The following CTNND2 variants were observed in gnomAD, a reference collection of about 807,000 sequenced individuals.
CTNND2 encodes the protein catenin delta-2.
CTNND2 carries 22 observed loss-of-function variants against 144.4 expected under a neutral mutation model. The observed-to-expected ratio is 0.15, with a 90% CI of 0.11 to 0.22. The LOEUF (loss-of-function observed/expected upper bound fraction) is 0.22, where lower values mean the gene tolerates loss of function less well. Ranked by LOEUF, CTNND2 falls within the 10% of genes least tolerant of loss-of-function variation. The pLI is 1.00. For missense variants in CTNND2, 1,353 were observed against 1,618.8 expected, an observed-to-expected ratio of 0.84 and a Z score of 2.82; for synonymous variants, 751 against 695.6, an observed-to-expected ratio of 1.08 and a Z score of -1.25.
At chr5:11,359,644 T>C (rs1406351469) in intron 8 of CTNND2, among the ~76,000 whole-genome samples, 1 of 152,192 alleles carries the variant, frequency 6.6e-6, no homozygotes, top group African/African-American at 2.4e-5. Flanking sequence ...TCTGCCTCCC[T>C]GTTCAAAGCA....
At chr5:11,466,355 C>T (rs541778705) in intron 3 of CTNND2, among the ~76,000 whole-genome samples, 15 of 152,220 alleles carry the variant, frequency 9.9e-5, no homozygotes, top group South Asian at 4.2e-4. Flanking sequence ...TACTAATCTC[C>T]GCTGAGTTCT....
At chr5:11,728,476 T>G (rs1232997148) in intron 2 of CTNND2, among the ~76,000 whole-genome samples, 1 of 152,110 alleles carries the variant, frequency 6.6e-6, no homozygotes, top group Admixed American at 6.5e-5. Context: ...ACACTCCATC[T>G]CAAAAACAAA....
intron 16 of CTNND2, among the ~76,000 whole-genome samples, chr5:11,066,286 C>G (rs554284644): frequency 1.3e-5 from 2 of 152,390 alleles, no homozygotes; most frequent in South Asian, 4.1e-4. Flanking sequence ...TATCCACCCA[C>G]TTCAGCCTCC....
At chr5:11,037,784 A>T (rs921349402) in intron 16 of CTNND2, among the ~76,000 whole-genome samples, 1 of 152,240 alleles carries the variant, frequency 6.6e-6, no homozygotes, top group Non-Finnish European at 1.5e-5. Flanking sequence ...ACTCATTTTT[A>T]AAATCCTTTA....
chr5:11,215,997 G>T (rs1425299668), intron 10 of CTNND2, among the ~76,000 whole-genome samples: 4 of 152,200 alleles, frequency 2.6e-5, no homozygotes, highest in Admixed American at 6.5e-5. Context: ...AGACCATGTG[G>T]TCATTAATAT....
intron 1 of CTNND2, among the ~76,000 whole-genome samples, chr5:11,810,448 T>C (rs1055857617): frequency 6.8e-6 from 1 of 147,704 alleles, no homozygotes; most frequent in Non-Finnish European, 1.5e-5. Context: ...TAAGAAAACA[T>C]TGAACCATTG....
At chr5:11,288,637 CCA>C (rs1169998361) in intron 9 of CTNND2, among the ~76,000 whole-genome samples, 1 of 151,774 alleles carries the variant, frequency 6.6e-6, no homozygotes, top group African/African-American at 2.4e-5. Context: ...CAGAGGTAAA[CCA>C]ATGGATTCTC....
chr5:11,725,216 C>T (rs1167147420), intron 2 of CTNND2, among the ~76,000 whole-genome samples: 1 of 152,184 alleles, frequency 6.6e-6, no homozygotes, highest in Non-Finnish European at 1.5e-5. Context: ...TAACTCCAGT[C>T]CAGGCCACTG....
At chr5:11,379,602 A>G (rs1758278562) in intron 7 of CTNND2, among the ~76,000 whole-genome samples, 2 of 152,182 alleles carry the variant, frequency 1.3e-5, no homozygotes, top group Non-Finnish European at 2.9e-5. Context: ...AGGAAAAAAT[A>G]TAAAAAGTAG....
chr5:11,850,122 A>G (rs1794946247), intron 1 of CTNND2, among the ~76,000 whole-genome samples: 1 of 152,056 alleles, frequency 6.6e-6, no homozygotes, highest in Admixed American at 6.6e-5. Flanking sequence ...AAAAAAGTAC[A>G]CCCAGAGGCT....
rs577257843 is a variant in CTNND2 at position 11,023,970 on chromosome 5, G to T, written c.2789-991C>A. Among the ~76,000 whole-genome samples, 53 of 152,298 alleles carry T rather than the reference G, an allele frequency of 3.5e-4. 1 individual carries two copies. The highest frequency in any genetic ancestry group is 1.3e-3 in the African/African-American group (53 of 41,564). ...GTTCTCACATTTTTCAGATGGAATTGGCAAGTGCCTAAAGTTAGATCCCTT... is the reference window on the plus strand; with the variant it reads ...GTTCTCACATTTTTCAGATGGAATTTGCAAGTGCCTAAAGTTAGATCCCTT... On this transcript the variant is annotated intron_variant, in intron 16 of 21. Transcript: ENST00000304623.
At chr5:11,602,211 C>A (rs928185007) in intron 2 of CTNND2, among the ~76,000 whole-genome samples, 1 of 151,934 alleles carries the variant, frequency 6.6e-6, no homozygotes, top group Non-Finnish European at 1.5e-5. Context: ...TGGCTCATAA[C>A]AATGCAGTAG....
chr5:11,366,852 T>C (rs1334942189), intron 7 of CTNND2, among the ~76,000 whole-genome samples: 2 of 152,194 alleles, frequency 1.3e-5, no homozygotes, highest in Non-Finnish European at 2.9e-5. Context: ...AACATGGTCT[T>C]AGGCTATATG....
chr5:11,515,145 G>A (rs1028207586), intron 3 of CTNND2, among the ~76,000 whole-genome samples: 4 of 150,554 alleles, frequency 2.7e-5, no homozygotes, highest in African/African-American at 7.4e-5. Context: ...CTAATGAATG[G>A]GAGGTGCTTT....
intron 1 of CTNND2, among the ~76,000 whole-genome samples, chr5:11,845,260 C>T (rs1165227385): frequency 6.6e-6 from 1 of 152,094 alleles, no homozygotes; most frequent in Non-Finnish European, 1.5e-5. Flanking sequence ...ACTGCTATAT[C>T]ACTCACCCCC....
intron 2 of CTNND2, among the ~76,000 whole-genome samples, chr5:11,620,585 T>TCA (rs1159788473): frequency 6.6e-6 from 1 of 152,218 alleles, no homozygotes; most frequent in Non-Finnish European, 1.5e-5. Context: ...GCCTGGAATA[T>TCA]CATGGGGTGC....
Position 11,291,961 on chromosome 5 carries a change from T to A in CTNND2, c.1628+54411A>T, listed in dbSNP as rs535188605. 9.9e-5 allele frequency among the ~76,000 whole-genome samples: 15 copies of A among 152,034 alleles called. No individual in the cohort carries two copies. In the East Asian group the frequency reaches 1.5e-3, roughly 16 times the overall value. On this transcript the variant is annotated intron_variant, in intron 9 of 21. Coordinates refer to ENST00000304623, the MANE Select transcript of CTNND2 (RefSeq NM_001332.4). ...GTTTCCCTAAATTTAAAAAAAAAAA[T>A]TCCACATCCTGACCTATCCACCCCA... is the stretch of plus-strand genomic sequence containing the variant.
intron 9 of CTNND2, among the ~76,000 whole-genome samples, chr5:11,321,137 AC>A (rs1390500376): frequency 2.0e-5 from 3 of 152,180 alleles, no homozygotes; most frequent in Non-Finnish European, 1.5e-5. Flanking sequence ...TAATGGATCT[AC>A]CACCAAGCAA....
At chr5:11,300,772 G>C (rs895502561) in intron 9 of CTNND2, among the ~76,000 whole-genome samples, 8 of 151,892 alleles carry the variant, frequency 5.3e-5, no homozygotes, top group African/African-American at 1.5e-4. Flanking sequence ...TCTCCATGAC[G>C]AGCTAAGCCA....
Sources: allele counts gnomAD v4.1 joint callset (sites outside exome capture counted in the v4.1 genomes callset), GRCh38; gene constraint gnomAD v4.1.1; transcripts MANE v1.5; gene names NCBI Gene and HGNC (gene_info 2026-07-23, HGNC 2026-07-21).